SCLT1: variants seen among roughly 807,000 people sequenced by gnomAD.
The protein encoded by SCLT1 is sodium channel-associated protein 1.
A neutral mutation model predicts 112.8 loss-of-function variants in SCLT1; 78 were observed. That is an observed-to-expected ratio of 0.69 (90% confidence interval 0.58 to 0.83). The LOEUF is 0.83. Among genes scored for constraint, SCLT1 ranks in the 40% least tolerant of loss-of-function variants. The probability of loss-of-function intolerance (pLI) is 0.00; values close to 1 mark genes in which losing one functional copy is unlikely to be tolerated. For missense variants in SCLT1, 747 were observed against 770.4 expected, an observed-to-expected ratio of 0.97 and a Z score of 0.36; for synonymous variants, 257 against 254.7, an observed-to-expected ratio of 1.01 and a Z score of -0.09.
chr4:129,058,532 CTTG>C (rs949210352), intron 2 of SCLT1, among the ~76,000 whole-genome samples: 1 of 152,100 alleles, frequency 6.6e-6, no homozygotes, highest in African/African-American at 2.4e-5. Context: ...TAATGTTCCT[CTTG>C]TTACTGAATT....
chr4:128,890,930 G>A (rs1361958958), intron 19 of SCLT1, 129 bp downstream of exon 19: 1 of 615,292 alleles, frequency 1.6e-6, no homozygotes. Flanking sequence ...TGGGCTTTTA[G>A]GGTTATGGAT....
intron 11 of SCLT1, among the ~76,000 whole-genome samples, chr4:128,962,263 T>C (rs1420063057): frequency 1.1e-4 from 16 of 152,250 alleles, no homozygotes; most frequent in Non-Finnish European, 8.8e-5. Flanking sequence ...AATCATGTTG[T>C]AATTGATCAA....
chr4:128,933,220 C>T (rs186768378), intron 18 of SCLT1, among the ~76,000 whole-genome samples: 103 of 152,196 alleles, frequency 6.8e-4, no homozygotes, highest in Middle Eastern at 3.4e-3. Context: ...CATTTGATAA[C>T]ATACAGTGAA....
chr4:129,003,630 AT>A, intron 6 of SCLT1, 110 bp downstream of exon 6: 1 of 897,118 alleles, frequency 1.1e-6, no homozygotes, highest in Non-Finnish European at 1.6e-6. Flanking sequence ...ACTGTAAAAA[AT>A]CATAATGTTA....
At chr4:129,037,255 C>T (rs1052208581) in intron 5 of SCLT1, 1 of 152,148 alleles carries the variant, frequency 6.6e-6, no homozygotes, top group African/African-American at 2.4e-5. Context: ...GAACCACTGG[C>T]ACTCATTATT....
intron 18 of SCLT1, among the ~76,000 whole-genome samples, chr4:128,896,793 G>A (rs1294902830): frequency 6.6e-6 from 1 of 152,140 alleles, no homozygotes; most frequent in Non-Finnish European, 1.5e-5. Context: ...TTAGACAAAT[G>A]GCTAACTAGA....
intron 5 of SCLT1, among the ~76,000 whole-genome samples, chr4:129,015,735 G>A (rs1325459233): frequency 7.9e-5 from 12 of 152,110 alleles, no homozygotes; most frequent in African/African-American, 2.2e-4. Flanking sequence ...AGAGGCCCAT[G>A]CTCCTTGAAA....
chr4:128,907,713 A>C (rs1734793515), intron 18 of SCLT1, among the ~76,000 whole-genome samples: 1 of 148,216 alleles, frequency 6.7e-6, no homozygotes, highest in South Asian at 2.2e-4. Flanking sequence ...GTTTTTCTCT[A>C]TCATAGAAAT....
intron 15 of SCLT1, among the ~76,000 whole-genome samples, chr4:128,946,557 G>A (rs1043862632): frequency 2.0e-5 from 3 of 152,066 alleles, no homozygotes; most frequent in African/African-American, 7.2e-5. Flanking sequence ...GGATAATCGG[G>A]CAAGACCTTG....
chr4:129,011,482 C>A (rs771087721), intron 5 of SCLT1, among the ~76,000 whole-genome samples: 1 of 151,980 alleles, frequency 6.6e-6, no homozygotes, highest in African/African-American at 2.4e-5. Flanking sequence ...GTTTTTGTAC[C>A]AGTACCATGC....
chr4:128,934,801 C>A (rs967112665), intron 18 of SCLT1, among the ~76,000 whole-genome samples: 4 of 151,520 alleles, frequency 2.6e-5, no homozygotes, highest in Admixed American at 1.3e-4. Flanking sequence ...CCTTTTATTT[C>A]TTTTTCTTGC....
chr4:128,993,639 A>G (rs531043011), intron 8 of SCLT1, among the ~76,000 whole-genome samples: 1 of 152,214 alleles, frequency 6.6e-6, no homozygotes, highest in South Asian at 2.1e-4. Context: ...TTAATATTTT[A>G]GAATTAGGAG....
At chr4:129,029,700 A>C (rs546677838) in intron 5 of SCLT1, among the ~76,000 whole-genome samples, 9 of 152,008 alleles carry the variant, frequency 5.9e-5, no homozygotes, top group Admixed American at 1.3e-4. Context: ...AACAAAAAAA[A>C]CCCCAAAAAG....
chr4:128,925,747 T>C (rs1256114419), intron 18 of SCLT1, among the ~76,000 whole-genome samples: 1 of 152,164 alleles, frequency 6.6e-6, no homozygotes, highest in Non-Finnish European at 1.5e-5. Flanking sequence ...AATTTTTCTT[T>C]GGTCTTTTTT....
intron 9 of SCLT1, among the ~76,000 whole-genome samples, chr4:128,986,538 G>GT (rs1392919321): frequency 1.3e-5 from 2 of 152,162 alleles, no homozygotes. Flanking sequence ...ACTCCAGGCA[G>GT]TACTGCTCCA....
intron 18 of SCLT1, among the ~76,000 whole-genome samples, chr4:128,905,074 G>C (rs919639251): frequency 6.6e-6 from 1 of 151,976 alleles, no homozygotes; most frequent in African/African-American, 2.4e-5. Flanking sequence ...TGTATTCAAT[G>C]ACCTACTTGA....
chr4:128,997,892 A>G lies in SCLT1; in HGVS notation c.597T>C (p.Thr199=). The stretch of plus-strand genomic sequence containing the variant: ...TACTTACCACTTCCATGTTCTCATT[A>G]GTAACATGAAGTTGTTTGGTCAGTT... ...FQQLTKQLHV[T]NENMEVTNQQ... Residue 199 remains threonine, a synonymous_variant, in exon 8 of 21, where the codon ACT becomes ACC. Coordinates refer to ENST00000281142, the MANE Select transcript of SCLT1 (RefSeq NM_144643.4). The G allele has an allele frequency of 6.7e-7, 1 of 1,492,214 alleles. No homozygotes were observed. Among genetic ancestry groups the G allele is most frequent in the Non-Finnish European group, 9.0e-7 (1 of 1,105,898 alleles). The allele number at this position is 1,492,214 out of a possible 1,614,324, so 92.4% of individuals were successfully genotyped here. A position where few individuals can be genotyped will look rare whatever the true frequency, so the allele number is the denominator to read the frequency against.
At chr4:129,044,429 T>C (rs1199427049) in intron 2 of SCLT1, among the ~76,000 whole-genome samples, 2 of 151,466 alleles carry the variant, frequency 1.3e-5, no homozygotes, top group African/African-American at 4.9e-5. Flanking sequence ...AGTAAGATAA[T>C]ACACGAAAAG....
At chr4:129,049,585 T>C (rs868462987) in intron 2 of SCLT1, among the ~76,000 whole-genome samples, 5 of 148,748 alleles carry the variant, frequency 3.4e-5, no homozygotes, top group African/African-American at 1.2e-4. Context: ...CATACGTAAC[T>C]AACCTGCACA....
Sources: gnomAD v4.1 joint callset for allele counts (sites outside exome capture counted in the v4.1 genomes callset) on GRCh38, gnomAD v4.1.1 for gene constraint, MANE v1.5 for transcripts, NCBI Gene and HGNC (gene_info 2026-07-23, HGNC 2026-07-21) for gene names.